PKHD1: variants seen among roughly 807,000 people sequenced by gnomAD.
PKHD1 encodes PKHD1 ciliary IPT domain containing fibrocystin/polyductin.
Under a neutral mutation model 412.0 loss-of-function variants are expected in PKHD1, and 291 were observed. The ratio of observed to expected loss-of-function variants is 0.71; its 90% CI spans 0.64 to 0.78. The LOEUF is 0.78. Ranked by LOEUF, PKHD1 falls within the 30% of genes least tolerant of loss-of-function variation. The pLI, the probability that PKHD1 is intolerant of heterozygous loss-of-function variation, is 0.00. For missense variants in PKHD1, 4,825 were observed against 4,950.7 expected, an observed-to-expected ratio of 0.97 and a Z score of 0.76; for synonymous variants, 1,777 against 1,821.5, an observed-to-expected ratio of 0.98 and a Z score of 0.62.
intron 28 of PKHD1, 42 bp downstream of exon 28, chr6:52,035,549 C>T: frequency 1.3e-6 from 2 of 1,580,550 alleles, no homozygotes; most frequent in Non-Finnish European, 1.7e-6. Context: ...TAACAGTGGT[C>T]ACTCACCCAG....
chr6:51,681,086 G>A (rs1035812905), intron 60 of PKHD1, among the ~76,000 whole-genome samples: 1 of 151,980 alleles, frequency 6.6e-6, no homozygotes, highest in African/African-American at 2.4e-5. Context: ...ACCCCATTTT[G>A]TCACTGCTGC....
At chr6:52,016,229 C>A (rs1304877905) in intron 34 of PKHD1, among the ~76,000 whole-genome samples, 4 of 152,190 alleles carry the variant, frequency 2.6e-5, no homozygotes, top group Admixed American at 6.5e-5. Flanking sequence ...ACCTCTGGTG[C>A]CAAATTCACA....
intron 61 of PKHD1, among the ~76,000 whole-genome samples, chr6:51,658,497 A>G (rs530000286): frequency 6.6e-6 from 1 of 152,260 alleles, no homozygotes; most frequent in East Asian, 1.9e-4. Context: ...ATGGTTGTAT[A>G]GAAGTAGTCA....
intron 43 of PKHD1, among the ~76,000 whole-genome samples, chr6:51,899,063 T>G (rs932939565): frequency 1.5e-4 from 23 of 152,280 alleles, no homozygotes; most frequent in African/African-American, 5.5e-4. Context: ...CCAGGCAGAT[T>G]CACAGCCGAA....
intron 52 of PKHD1, among the ~76,000 whole-genome samples, chr6:51,800,095 T>C (rs942461573): frequency 1.3e-5 from 2 of 152,098 alleles, no homozygotes; most frequent in Non-Finnish European, 2.9e-5. Context: ...ATTAATGAGT[T>C]CCAGATGTAA....
At chr6:52,023,955 GT>G (rs1193879067) in intron 32 of PKHD1, among the ~76,000 whole-genome samples, 1 of 152,126 alleles carries the variant, frequency 6.6e-6, no homozygotes, top group South Asian at 2.1e-4. Flanking sequence ...TGTTTCTATA[GT>G]TTTTTTCCTT....
At chr6:51,989,908 GA>G (rs1796713195) in intron 35 of PKHD1, among the ~76,000 whole-genome samples, 1 of 88,768 alleles carries the variant, frequency 1.1e-5, no homozygotes. Flanking sequence ...AGGGAGGAAG[GA>G]AGGAAGGAAG....
At chr6:51,798,243 G>T (rs771627595) in intron 52 of PKHD1, among the ~76,000 whole-genome samples, 12 of 152,072 alleles carry the variant, frequency 7.9e-5, no homozygotes, top group East Asian at 3.9e-4. Flanking sequence ...GCCAGGCATG[G>T]TGATGCATAC....
intron 36 of PKHD1, among the ~76,000 whole-genome samples, chr6:51,936,913 CTG>C (rs1437683693): frequency 6.6e-6 from 1 of 152,202 alleles, no homozygotes; most frequent in Non-Finnish European, 1.5e-5. Flanking sequence ...CCCTGCAAAG[CTG>C]TCTCTTGTGG....
intron 52 of PKHD1, among the ~76,000 whole-genome samples, chr6:51,827,793 G>A (rs1343378155): frequency 6.6e-6 from 1 of 152,114 alleles, no homozygotes; most frequent in African/African-American, 2.4e-5. Flanking sequence ...GCTTGGAACT[G>A]TGCCTTGAAC....
chr6:52,062,551 A>C lies in PKHD1; in HGVS notation c.1086T>G (p.Phe362Leu). ...WQIVPNASSPFGFWSQEGQPF... is the reference protein window; with the variant it reads ...WQIVPNASSPLGFWSQEGQPF... ...GTTGTCCTTCCTGTGACCAAAACCCAAATGGAGAACTGGCATTAGGGACAA... is the reference window on the plus strand; with the variant it reads ...GTTGTCCTTCCTGTGACCAAAACCCCAATGGAGAACTGGCATTAGGGACAA... Residue 362 changes from phenylalanine (F) to leucine (L), a missense_variant, in exon 14 of 67, where the codon TTT becomes TTG. By Grantham distance (22) the Phe-to-Leu change is conservative. Transcript: ENST00000371117. 2 of 1,614,152 alleles carry C rather than the reference A, an allele frequency of 1.2e-6. No homozygotes were observed. Among genetic ancestry groups the C allele is most frequent in the South Asian group, 2.2e-5 (2 of 91,088 alleles).
In PKHD1 at chr6:52,058,193, A is replaced by C. The variant is rs148001305; in HGVS notation, c.1512+130T>G. 117 of 809,776 alleles carry C rather than the reference A, an allele frequency of 1.4e-4. 1 individual carries two copies. In the African/African-American group the frequency reaches 1.8e-3, roughly 13 times the overall value. 50.2% of individuals were successfully genotyped at this position (809,776 alleles called of 1,614,324 possible). On this transcript the variant is annotated intron_variant, in intron 16 of 66. Transcript: ENST00000371117. ...ACATCTTCACAATGCTGTTAAAGAGATATCCTATTTCTTTGACAGCAAGGT... is the reference window on the plus strand; with the variant it reads ...ACATCTTCACAATGCTGTTAAAGAGCTATCCTATTTCTTTGACAGCAAGGT...
chr6:51,834,097 G>A (rs1333047360), intron 51 of PKHD1, among the ~76,000 whole-genome samples: 4 of 152,148 alleles, frequency 2.6e-5, no homozygotes, highest in Non-Finnish European at 4.4e-5. Flanking sequence ...GAGGAGGCTA[G>A]GCTTTTGAGA....
At chr6:51,694,448 A>G (rs991391472) in intron 60 of PKHD1, among the ~76,000 whole-genome samples, 1 of 148,808 alleles carries the variant, frequency 6.7e-6, no homozygotes, top group Non-Finnish European at 1.5e-5. Flanking sequence ...CAGTGGCGTG[A>G]TCTCGGCTCA....
chr6:52,078,825 C>G (rs1811661685), intron 5 of PKHD1, among the ~76,000 whole-genome samples: 1 of 152,152 alleles, frequency 6.6e-6, no homozygotes, highest in African/African-American at 2.4e-5. Flanking sequence ...TGGTGCAGCT[C>G]TTAGTAAAAA....
chr6:52,060,708 G>C (rs1808543780), intron 14 of PKHD1, among the ~76,000 whole-genome samples: 1 of 151,948 alleles, frequency 6.6e-6, no homozygotes, highest in Non-Finnish European at 1.5e-5. Flanking sequence ...TTCTGATAAT[G>C]CTATTTTCTT....
chr6:52,042,005 A>G (rs1804962251), intron 27 of PKHD1, among the ~76,000 whole-genome samples: 2 of 152,206 alleles, frequency 1.3e-5, no homozygotes, highest in East Asian at 1.9e-4. Flanking sequence ...ATAACTCTAT[A>G]GAGAAAACTA....
intron 37 of PKHD1, among the ~76,000 whole-genome samples, chr6:51,922,109 G>T (rs1237276659): frequency 6.6e-6 from 1 of 152,198 alleles, no homozygotes; most frequent in African/African-American, 2.4e-5. Flanking sequence ...AACAGATGGG[G>T]TTTTGGTGTG....
chr6:52,065,843 CAT>C (rs1809613864), intron 12 of PKHD1, 131 bp downstream of exon 12: 23 of 687,008 alleles, frequency 3.3e-5, no homozygotes, highest in Non-Finnish European at 6.1e-5. Context: ...CAACCAAACA[CAT>C]GACTTATCAA....
Sources: gnomAD v4.1 joint callset for allele counts (sites outside exome capture counted in the v4.1 genomes callset) on GRCh38, gnomAD v4.1.1 for gene constraint, MANE v1.5 for transcripts, NCBI Gene and HGNC (gene_info 2026-07-23, HGNC 2026-07-21) for gene names.